The following ADGRB3 variants were observed in gnomAD, a reference collection of about 807,000 sequenced individuals.
The protein encoded by ADGRB3 is adhesion G protein-coupled receptor B3.
ADGRB3 carries 37 observed loss-of-function variants against 193.4 expected under a neutral mutation model. That is an observed-to-expected ratio of 0.19 (90% CI 0.15 to 0.25). The LOEUF (loss-of-function observed/expected upper bound fraction) is 0.25. Among genes scored for constraint, ADGRB3 ranks in the 10% least tolerant of loss-of-function variants. ADGRB3 has a pLI of 1.00. For missense variants in ADGRB3, 1,637 were observed against 1,852.9 expected (o/e 0.88, Z 2.14); for synonymous variants, 690 against 644.2 (o/e 1.07, Z -1.08).
At chr6:68,848,651 A>T (rs1768337300) in intron 3 of ADGRB3, among the ~76,000 whole-genome samples, 1 of 152,004 alleles carries the variant, frequency 6.6e-6, no homozygotes, top group Non-Finnish European at 1.5e-5. Context: ...TTGTGTTATT[A>T]AGTCTAAATT....
chr6:68,695,819 A>G (rs1237330828), intron 3 of ADGRB3, among the ~76,000 whole-genome samples: 1 of 151,968 alleles, frequency 6.6e-6, no homozygotes, highest in African/African-American at 2.4e-5. Context: ...GAGCCCAAAT[A>G]GACAATCTCG....
intron 5 of ADGRB3, among the ~76,000 whole-genome samples, chr6:68,938,776 C>G (rs1582330944): frequency 6.6e-6 from 1 of 152,044 alleles, no homozygotes; most frequent in African/African-American, 2.4e-5. Flanking sequence ...TAAAACTGTT[C>G]CCTACTTACA....
intron 8 of ADGRB3, among the ~76,000 whole-genome samples, chr6:68,957,963 G>A (rs563963591): frequency 1.5e-4 from 23 of 152,248 alleles, no homozygotes; most frequent in African/African-American, 5.3e-4. Flanking sequence ...CACTTTGGGA[G>A]GCTGAGGCAG....
intron 8 of ADGRB3, among the ~76,000 whole-genome samples, chr6:68,970,270 C>G (rs1768519779): frequency 6.6e-6 from 1 of 151,534 alleles, no homozygotes; most frequent in African/African-American, 2.4e-5. Flanking sequence ...TCTAGGCAGA[C>G]TACTTTTCTT....
chr6:69,129,404 A>G (rs1445863074), intron 17 of ADGRB3, among the ~76,000 whole-genome samples: 6 of 152,168 alleles, frequency 3.9e-5, no homozygotes, highest in Non-Finnish European at 7.4e-5. Context: ...AAGAAAGAAT[A>G]GGAATTAAGA....
At chr6:68,872,073 CAAAT>C (rs1765476256) in intron 3 of ADGRB3, among the ~76,000 whole-genome samples, 1 of 151,974 alleles carries the variant, frequency 6.6e-6, no homozygotes, top group South Asian at 2.1e-4. Flanking sequence ...CTGTAACTTT[CAAAT>C]AAATAAAGTG....
chr6:69,006,389 C>T (rs1000555353), intron 11 of ADGRB3, among the ~76,000 whole-genome samples: 1 of 151,914 alleles, frequency 6.6e-6, no homozygotes, highest in South Asian at 2.1e-4. Context: ...GGAAAAAAAA[C>T]CCGCATTTAC....
chr6:69,189,187 T>C (rs958246489), intron 17 of ADGRB3, among the ~76,000 whole-genome samples: 3 of 152,188 alleles, frequency 2.0e-5, no homozygotes, highest in Non-Finnish European at 4.4e-5. Context: ...CAGAAACTCT[T>C]AAATTAAGTT....
In ADGRB3 at chr6:69,386,263, A is replaced by G. The variant is rs571723975; in HGVS notation, c.4381-2440A>G. On this transcript the variant is annotated intron_variant, in intron 31 of 31. Coordinates refer to ENST00000370598, the MANE Select transcript of ADGRB3 (RefSeq NM_001704.3). Reference sequence around the variant, plus strand: ...CATATCCATAACAGTTGATCTTTGAAATCATATCTGTTCCAAACATAATGG... The same window carrying G: ...CATATCCATAACAGTTGATCTTTGAGATCATATCTGTTCCAAACATAATGG... 1.6e-4 allele frequency among the ~76,000 whole-genome samples: 24 copies of G among 152,274 alleles called. No homozygotes were observed. The South Asian group carries it at 4.8e-3, about 30-fold the overall frequency.
intron 17 of ADGRB3, among the ~76,000 whole-genome samples, chr6:69,154,305 A>G (rs1293866254): frequency 6.6e-6 from 1 of 152,170 alleles, no homozygotes; most frequent in African/African-American, 2.4e-5. Flanking sequence ...TCTTAAATCT[A>G]TCTTCACTTT....
At chr6:68,786,517 C>G (rs951028625) in intron 3 of ADGRB3, among the ~76,000 whole-genome samples, 2 of 152,138 alleles carry the variant, frequency 1.3e-5, no homozygotes, top group Non-Finnish European at 2.9e-5. Flanking sequence ...GTCTATATCT[C>G]TGTTTTGGTA....
intron 17 of ADGRB3, among the ~76,000 whole-genome samples, chr6:69,163,694 A>T (rs923309025): frequency 1.3e-5 from 2 of 152,134 alleles, no homozygotes; most frequent in African/African-American, 4.8e-5. Context: ...TGAATTGTAA[A>T]TACTGTACAA....
chr6:68,695,165 G>A (rs1360250516), intron 3 of ADGRB3, among the ~76,000 whole-genome samples: 1 of 151,964 alleles, frequency 6.6e-6, no homozygotes, highest in Non-Finnish European at 1.5e-5. Flanking sequence ...GCTGCAGTAT[G>A]AGATAGCACA....
intron 20 of ADGRB3, among the ~76,000 whole-genome samples, chr6:69,271,595 T>C (rs60155859): frequency 0.049 from 7,536 of 152,268 alleles, 224 homozygotes; most frequent in Non-Finnish European, 0.072. Flanking sequence ...CATGTTATTC[T>C]GAATTGTTTT....
rs141657613 is a variant in ADGRB3, at chr6:68,883,535, C to T, written c.758-47024C>T. On this transcript the variant is annotated intron_variant, in intron 3 of 31. Coordinates refer to ENST00000370598, the MANE Select transcript of ADGRB3 (RefSeq NM_001704.3). ...GAGCTGTAACACTCACCACAAAGGTCTGCAGCTTCACTCTTGAGGTCAGCG... is the reference window on the plus strand; with the variant it reads ...GAGCTGTAACACTCACCACAAAGGTTTGCAGCTTCACTCTTGAGGTCAGCG... Among the ~76,000 whole-genome samples the T allele has an allele frequency of 5.5e-4, 84 of 152,322 alleles. 1 individual carries two copies. The East Asian group carries it at 0.013, about 23-fold the overall frequency.
At chr6:68,918,127 C>G (rs1284341340) in intron 3 of ADGRB3, among the ~76,000 whole-genome samples, 12 of 151,992 alleles carry the variant, frequency 7.9e-5, no homozygotes, top group Admixed American at 7.9e-4. Flanking sequence ...AACATTTTTC[C>G]TTCAGAGAAG....
chr6:69,238,019 A>G (rs1766306237), intron 19 of ADGRB3, among the ~76,000 whole-genome samples: 1 of 152,044 alleles, frequency 6.6e-6, no homozygotes, highest in African/African-American at 2.4e-5. Flanking sequence ...TTTTATTGTT[A>G]TTCTTACTTT....
intron 26 of ADGRB3, among the ~76,000 whole-genome samples, chr6:69,349,536 A>G (rs940393380): frequency 1.3e-5 from 2 of 152,288 alleles, no homozygotes; most frequent in African/African-American, 4.8e-5. Context: ...TAATTCATTC[A>G]TGTCAATTGT....
At chr6:69,095,506 G>A (rs990821420) in intron 17 of ADGRB3, among the ~76,000 whole-genome samples, 11 of 152,182 alleles carry the variant, frequency 7.2e-5, no homozygotes, top group Admixed American at 5.9e-4. Context: ...TAATGAAAAT[G>A]AAGCTGGTAA....
Sources: allele counts gnomAD v4.1 joint callset (sites outside exome capture counted in the v4.1 genomes callset), GRCh38; gene constraint gnomAD v4.1.1; transcripts MANE v1.5; gene names NCBI Gene and HGNC (gene_info 2026-07-23, HGNC 2026-07-21).